Variants in HGSNAT observed in about 807,000 individuals in gnomAD.
HGSNAT encodes heparan-alpha-glucosaminide N-acetyltransferase.
A neutral mutation model predicts 85.2 loss-of-function variants in HGSNAT; 59 were observed. That is an observed-to-expected ratio of 0.69 (90% CI 0.56 to 0.86). The LOEUF is 0.86. Among genes scored for constraint, HGSNAT ranks in the 40% least tolerant of loss-of-function variants. The pLI, the probability that HGSNAT is intolerant of heterozygous loss-of-function variation, is 0.00. For missense variants in HGSNAT, 756 were observed against 777.1 expected, an observed-to-expected ratio of 0.97 and a Z score of 0.32; for synonymous variants, 321 against 304.5, an observed-to-expected ratio of 1.05 and a Z score of -0.56.
chr8:43,184,854 T>C (rs1804252843), intron 11 of HGSNAT, among the ~76,000 whole-genome samples: 1 of 152,254 alleles, frequency 6.6e-6, no homozygotes. Flanking sequence ...TTTCTACATA[T>C]GGCTAGCTAG....
intron 8 of HGSNAT, among the ~76,000 whole-genome samples, chr8:43,173,283 C>G (rs1450559797): frequency 1.4e-4 from 22 of 152,106 alleles, no homozygotes; most frequent in Admixed American, 1.4e-3. Flanking sequence ...AGCCACACCA[C>G]ACCTGGCCTA....
At chr8:43,142,871 C>T (rs1802594584) in intron 1 of HGSNAT, among the ~76,000 whole-genome samples, 1 of 152,170 alleles carries the variant, frequency 6.6e-6, no homozygotes, top group African/African-American at 2.4e-5. Context: ...GTACCTTATT[C>T]CGCCCACCAC....
intron 12 of HGSNAT, 47 bp downstream of exon 12, chr8:43,191,642 CCAGT>C (rs772473644): frequency 6.3e-7 from 1 of 1,593,580 alleles, no homozygotes; most frequent in South Asian, 1.1e-5. Context: ...CCTGTTCTGC[CCAGT>C]CAGAGGTTCT....
chr8:43,188,776 G>T (rs1361469274), intron 11 of HGSNAT, among the ~76,000 whole-genome samples: 4 of 152,174 alleles, frequency 2.6e-5, no homozygotes, highest in African/African-American at 9.7e-5. Flanking sequence ...CCCCATCTTT[G>T]TGGTTTTATC....
At chr8:43,192,782 A>C (rs981526651) in intron 13 of HGSNAT, among the ~76,000 whole-genome samples, 1 of 152,108 alleles carries the variant, frequency 6.6e-6, no homozygotes, top group Non-Finnish European at 1.5e-5. Flanking sequence ...CAAAAAACAA[A>C]AAAAAAAGCA....
At chr8:43,167,679 A>C (rs1172578769) in intron 5 of HGSNAT, among the ~76,000 whole-genome samples, 6 of 152,106 alleles carry the variant, frequency 3.9e-5, no homozygotes, top group Admixed American at 3.9e-4. Context: ...CCAAGCCTGC[A>C]GTGTCTTGAG....
chr8:43,189,050 A>G (rs1804428432), intron 11 of HGSNAT, among the ~76,000 whole-genome samples: 1 of 152,154 alleles, frequency 6.6e-6, no homozygotes, highest in South Asian at 2.1e-4. Context: ...CCCTACTGGG[A>G]GGTGTCTCCC....
intron 1 of HGSNAT, among the ~76,000 whole-genome samples, chr8:43,143,937 G>T (rs1337440680): frequency 6.6e-6 from 1 of 152,062 alleles, no homozygotes; most frequent in Non-Finnish European, 1.5e-5. Context: ...AACCATCACA[G>T]TTGTCATTAG....
At chr8:43,141,770 TC>T (rs1170057849) in intron 1 of HGSNAT, among the ~76,000 whole-genome samples, 1 of 152,106 alleles carries the variant, frequency 6.6e-6, no homozygotes, top group Non-Finnish European at 1.5e-5. Flanking sequence ...AACCTTCATC[TC>T]CTGCGCTCCC....
intron 5 of HGSNAT, among the ~76,000 whole-genome samples, chr8:43,164,084 T>G (rs1410261549): frequency 4.6e-5 from 7 of 152,192 alleles, no homozygotes. Context: ...GTGGTTATGT[T>G]TAGAAATAAA....
In HGSNAT at chr8:43,140,635, G is replaced by A. The variant is rs776208211; in HGVS notation, c.118+21G>A. The A allele has an allele frequency of 7.0e-6, 8 of 1,147,924 alleles. No individual in the cohort carries two copies. In the East Asian group the frequency reaches 2.8e-4, roughly 40 times the overall value. 71.1% of individuals were successfully genotyped at this position (1,147,924 alleles called of 1,614,324 possible). On this transcript the variant is annotated intron_variant, in intron 1 of 17. Coordinates refer to ENST00000379644, the MANE Select transcript of HGSNAT (RefSeq NM_152419.3). ...ACGAGGTGAGTGCACACCTCCTACC[G>A]CCGCCCGGCCGGCTACGAGCGCAGC...
chr8:43,163,165 A>G (rs1376015586), intron 5 of HGSNAT, among the ~76,000 whole-genome samples: 1 of 152,080 alleles, frequency 6.6e-6, no homozygotes, highest in African/African-American at 2.4e-5. Flanking sequence ...GTGCCACTGC[A>G]TTCCGGCCGG....
chr8:43,145,433 A>T (rs1392664213), intron 1 of HGSNAT, among the ~76,000 whole-genome samples: 1 of 152,166 alleles, frequency 6.6e-6, no homozygotes, highest in East Asian at 1.9e-4. Flanking sequence ...AGAGCTAAAT[A>T]AGGGTAAAGT....
intron 12 of HGSNAT, among the ~76,000 whole-genome samples, chr8:43,192,090 G>A (rs1263529009): frequency 2.0e-5 from 3 of 152,142 alleles, no homozygotes; most frequent in South Asian, 2.1e-4. Context: ...CACCATGCCC[G>A]GCTAATTTTT....
Position 43,197,822 on chromosome 8 carries a change from C to G in HGSNAT, c.1614-18C>G, listed in dbSNP as rs750419399. Reference sequence around the variant, plus strand: ...TTGTTCCGTACGAGCACTGAAACGTCTCCTCCACCCCTCCCAGGTCCCTTT... The same window carrying G: ...TTGTTCCGTACGAGCACTGAAACGTGTCCTCCACCCCTCCCAGGTCCCTTT... On this transcript the variant is annotated intron_variant, in intron 16 of 17. Transcript: ENST00000379644. The G allele has an allele frequency of 6.2e-7, 1 of 1,607,306 alleles. No homozygotes were observed. Among genetic ancestry groups the G allele is most frequent in the Non-Finnish European group, 8.5e-7 (1 of 1,173,724 alleles).
intron 9 of HGSNAT, among the ~76,000 whole-genome samples, chr8:43,175,808 C>T (rs910822288): frequency 1.3e-5 from 2 of 152,000 alleles, no homozygotes; most frequent in African/African-American, 4.8e-5. Context: ...CTCAGGTAAT[C>T]TGCCTGCCTT....
At chr8:43,181,211 G>C (rs1368592074) in intron 10 of HGSNAT, among the ~76,000 whole-genome samples, 1 of 106,532 alleles carries the variant, frequency 9.4e-6, no homozygotes, top group Non-Finnish European at 2.0e-5. Context: ...GAGAGGGAGA[G>C]GGAGAGGGAG....
At chr8:43,179,692 C>T (rs1372044761) in intron 10 of HGSNAT, among the ~76,000 whole-genome samples, 1 of 7,358 alleles carries the variant, frequency 1.4e-4, no homozygotes, top group African/African-American at 6.2e-4. Flanking sequence ...CCGGATGGGG[C>T]GGCTGGCCAG....
chr8:43,170,725 G>A (rs1358322085), intron 7 of HGSNAT, 31 bp downstream of exon 7: 2 of 1,408,890 alleles, frequency 1.4e-6, no homozygotes, highest in South Asian at 2.5e-5. Flanking sequence ...CACAGTGGGT[G>A]CAGGTAGTCA....
Sources: gnomAD v4.1 joint callset for allele counts (sites outside exome capture counted in the v4.1 genomes callset) on GRCh38, gnomAD v4.1.1 for gene constraint, MANE v1.5 for transcripts, NCBI Gene and HGNC (gene_info 2026-07-23, HGNC 2026-07-21) for gene names.